Variants in TFEB observed in about 807,000 individuals in gnomAD.
The protein encoded by TFEB is T-cell transcription factor EB.
A neutral mutation model predicts 48.0 loss-of-function variants in TFEB; 12 were observed. The ratio of observed to expected loss-of-function variants is 0.25; its 90% confidence interval spans 0.16 to 0.40. TFEB has a LOEUF of 0.40. Ranked by LOEUF, TFEB falls within the 10% of genes least tolerant of loss-of-function variation. The pLI is 1.00. For missense variants in TFEB, 509 were observed against 640.3 expected, an observed-to-expected ratio of 0.79 and a Z score of 2.21; for synonymous variants, 244 against 261.4, an observed-to-expected ratio of 0.93 and a Z score of 0.64.
In TFEB at chr6:41,690,647, C is replaced by T. The variant is rs751320477; in HGVS notation, c.468+16G>A. On this transcript the variant is annotated intron_variant, in intron 3 of 8. Coordinates refer to ENST00000373033, the MANE Select transcript of TFEB (RefSeq NM_001271944.2). ...GCTCTGCAAGCAGCATGGCCACTGG[C>T]CAGCTCCTCACTCACCTCCCTCTCA... 6.6e-7 allele frequency: 1 copy of T among 1,506,786 alleles called. No homozygotes were observed. Among genetic ancestry groups the T allele is most frequent in the Admixed American group, 2.2e-5 (1 of 46,492 alleles). 93.3% of individuals were successfully genotyped at this position (1,506,786 alleles called of 1,614,324 possible).
chr6:41,711,329 G>A (rs1770465569), intron 1 of TFEB, among the ~76,000 whole-genome samples: 1 of 152,208 alleles, frequency 6.6e-6, no homozygotes, highest in African/African-American at 2.4e-5. Flanking sequence ...CCAGGTAGAG[G>A]ACACTCGGAC....
At chr6:41,711,867 C>T (rs1346499245) in intron 1 of TFEB, among the ~76,000 whole-genome samples, 1 of 152,222 alleles carries the variant, frequency 6.6e-6, no homozygotes, top group Non-Finnish European at 1.5e-5. Flanking sequence ...TGGGCTGCCC[C>T]CTTGGCAGGC....
intron 1 of TFEB, among the ~76,000 whole-genome samples, chr6:41,710,718 A>C (rs1770437907): frequency 6.6e-6 from 1 of 152,062 alleles, no homozygotes; most frequent in Non-Finnish European, 1.5e-5. Flanking sequence ...CTAAACAAAC[A>C]CTGGGTGCAG....
intron 1 of TFEB, among the ~76,000 whole-genome samples, chr6:41,727,834 T>C (rs1457844746): frequency 6.6e-6 from 1 of 152,192 alleles, no homozygotes; most frequent in Non-Finnish European, 1.5e-5. Context: ...ACATCTCCCC[T>C]TGGCCCCAGA....
At position 41,723,856 on chromosome 6, in the gene TFEB, CAG is replaced by C. The variant is rs1167498660; in HGVS notation, c.-23+11492_-23+11493del. ...AGGGCCCTAGGCAGATGGAGAGACA[CAG>C]AGCAGCAAGAATTTCGCCAGAGTCC... On this transcript the variant is annotated intron_variant, in intron 1 of 8. Transcript: ENST00000373033. The surrounding 1 kb of genome is among the most constrained non-coding windows in gnomAD (Gnocchi z 6.0). The C allele has an allele frequency of 4.1e-6, 2 of 482,222 alleles. No individual in the cohort carries two copies. Among genetic ancestry groups the C allele is most frequent in the African/African-American group, 3.9e-5 (2 of 50,828 alleles). 29.9% of individuals were successfully genotyped at this position (482,222 alleles called of 1,614,324 possible).
Position 41,691,350 on chromosome 6 carries a change from C to A in TFEB, c.-22-115G>T, listed in dbSNP as rs1230371315. 2 of 1,084,602 alleles carry A rather than the reference C, an allele frequency of 1.8e-6. No individual in the cohort carries two copies. Among genetic ancestry groups the A allele is most frequent in the African/African-American group, 1.6e-5 (1 of 64,054 alleles). 67.2% of individuals were successfully genotyped at this position (1,084,602 alleles called of 1,614,324 possible). On this transcript the variant is annotated intron_variant, in intron 1 of 8. Coordinates refer to ENST00000373033, the MANE Select transcript of TFEB (RefSeq NM_001271944.2). This position sits in a 1 kb window ranked among gnomAD's most constrained non-coding sequence, Gnocchi z 5.2. The stretch of plus-strand genomic sequence containing the variant: ...CGCATCCATTTTAGAGGAGAAGACA[C>A]CGAGCCCTGAGAGGGGAAGAGATTT...
At chr6:41,729,340 G>T (rs1373207103) in intron 1 of TFEB, among the ~76,000 whole-genome samples, 1 of 152,126 alleles carries the variant, frequency 6.6e-6, no homozygotes, top group Non-Finnish European at 1.5e-5. Context: ...TGGTCTGGGA[G>T]AGGAAAGGAA....
At chr6:41,727,331 G>A (rs1771255662) in intron 1 of TFEB, among the ~76,000 whole-genome samples, 1 of 152,186 alleles carries the variant, frequency 6.6e-6, no homozygotes, top group Non-Finnish European at 1.5e-5. Flanking sequence ...GAGAGAGATA[G>A]TCCAAGGCTG....
chr6:41,714,735 T>C (rs959732042), intron 1 of TFEB, among the ~76,000 whole-genome samples: 26 of 152,264 alleles, frequency 1.7e-4, no homozygotes, highest in African/African-American at 5.5e-4. Flanking sequence ...AGCTCTACCC[T>C]TGAGTGGCGG....
Position 41,732,479 on chromosome 6 carries a change from A to C in TFEB, c.-23+2871T>G, listed in dbSNP as rs1258626117. Among the ~76,000 whole-genome samples, 4 of 152,216 alleles carry C rather than the reference A, an allele frequency of 2.6e-5. No individual in the cohort carries two copies. In the East Asian group the frequency reaches 7.7e-4, roughly 29 times the overall value. On this transcript the variant is annotated intron_variant, in intron 1 of 8. Coordinates refer to ENST00000373033, the MANE Select transcript of TFEB (RefSeq NM_001271944.2). ...TAATATTGTTCTAGTATAGCATAAAAGAAGAGATGAATATTCTATTAATAT... is the reference window on the plus strand; with the variant it reads ...TAATATTGTTCTAGTATAGCATAAACGAAGAGATGAATATTCTATTAATAT...
At chr6:41,736,202 C>G (rs776540749), upstream of TFEB, 1 of 1,612,824 alleles carries the variant, frequency 6.2e-7, no homozygotes, top group South Asian at 1.1e-5. Flanking sequence ...CCTTTCATGT[C>G]ACCTTCCCTT....
chr6:41,697,506 C>CT (rs1482495202), intron 1 of TFEB, among the ~76,000 whole-genome samples: 1 of 150,244 alleles, frequency 6.7e-6, no homozygotes, highest in African/African-American at 2.5e-5. Context: ...TCTCCAAACC[C>CT]CCCCCCTTCC....
At chr6:41,735,208 G>A (rs1771629218) in intron 1 of TFEB, 142 bp downstream of exon 1, 1 of 902,224 alleles carries the variant, frequency 1.1e-6, no homozygotes, top group Non-Finnish European at 1.3e-6. Context: ...GGTGGGTGGC[G>A]GCGCGCACGG....
chr6:41,697,769 T>C (rs1351366864), intron 1 of TFEB, among the ~76,000 whole-genome samples: 1 of 152,224 alleles, frequency 6.6e-6, no homozygotes, highest in Non-Finnish European at 1.5e-5. Context: ...TTAAATAAAT[T>C]ACGGTGTGTC....
intron 1 of TFEB, among the ~76,000 whole-genome samples, chr6:41,695,438 G>A (rs142241755): frequency 3.2e-4 from 48 of 152,342 alleles, no homozygotes; most frequent in African/African-American, 1.1e-3. Flanking sequence ...GCTGGTCAAT[G>A]TGCTTTTCCT....
At chr6:41,708,228 C>T (rs1210006116) in intron 1 of TFEB, among the ~76,000 whole-genome samples, 2 of 152,214 alleles carry the variant, frequency 1.3e-5, no homozygotes, top group Admixed American at 6.5e-5. Context: ...ACACAGTGAG[C>T]GTGGAACTGG....
At chr6:41,708,760 G>A (rs980006555) in intron 1 of TFEB, among the ~76,000 whole-genome samples, 2 of 152,314 alleles carry the variant, frequency 1.3e-5, no homozygotes, top group Non-Finnish European at 1.5e-5. Flanking sequence ...TAGAAATAGG[G>A]GCCAATAAAA....
At position 41,707,671 on chromosome 6, in the gene TFEB, C is replaced by T. The variant is rs891592894; in HGVS notation, c.-22-16436G>A. On this transcript the variant is annotated intron_variant, in intron 1 of 8. Transcript: ENST00000373033. ...AAGCTGGGAGGGCTGGGGATGGGAA[C>T]AGGTGGAGCCCAGGGGAAGAAGGCT... Among the ~76,000 whole-genome samples, 5 of 152,200 alleles carry T rather than the reference C, an allele frequency of 3.3e-5. No homozygotes were observed. The East Asian group carries it at 7.7e-4, about 23-fold the overall frequency.
chr6:41,700,192 C>T (rs144682837), intron 1 of TFEB, among the ~76,000 whole-genome samples: 144 of 151,892 alleles, frequency 9.5e-4, no homozygotes, highest in African/African-American at 3.0e-3. Context: ...AGAGGCTGGG[C>T]GCGGTGGCTC....
Sources: allele counts gnomAD v4.1 joint callset (sites outside exome capture counted in the v4.1 genomes callset), GRCh38; gene constraint gnomAD v4.1.1; non-coding constraint Gnocchi (gnomAD v3.1); transcripts MANE v1.5; gene names NCBI Gene and HGNC (gene_info 2026-07-23, HGNC 2026-07-21).